The following ARHGAP15 variants were observed in gnomAD, a reference collection of about 807,000 sequenced individuals.
ARHGAP15 encodes Rho GTPase activating protein 15, also known as rho GTPase-activating protein 15.
In ARHGAP15, 51 loss-of-function variants were observed where a neutral mutation model predicts 63.7. The ratio of observed to expected loss-of-function variants is 0.80; its 90% CI spans 0.64 to 1.01. The LOEUF (loss-of-function observed/expected upper bound fraction) is 1.01. Among genes scored for constraint, ARHGAP15 ranks in the 50% least tolerant of loss-of-function variants. ARHGAP15 has a pLI of 0.00. For missense variants in ARHGAP15, 560 were observed against 564.6 expected, an observed-to-expected ratio of 0.99 and a Z score of 0.08; for synonymous variants, 191 against 193.8, an observed-to-expected ratio of 0.99 and a Z score of 0.12.
intron 6 of ARHGAP15, chr2:143,295,726 C>T (rs1329198628): frequency 6.6e-6 from 1 of 151,988 alleles, no homozygotes; most frequent in Non-Finnish European, 1.5e-5. Context: ...GTGAGAGTTA[C>T]ATCTTTATCC....
chr2:143,228,913 T>A (rs937422205), intron 5 of ARHGAP15, among the ~76,000 whole-genome samples: 2 of 152,164 alleles, frequency 1.3e-5, no homozygotes, highest in Non-Finnish European at 2.9e-5. Context: ...TATGTAGTAA[T>A]GCGAAGGTAA....
intron 6 of ARHGAP15, among the ~76,000 whole-genome samples, chr2:143,307,583 A>G (rs754394309): frequency 2.0e-5 from 3 of 152,178 alleles, no homozygotes; most frequent in Non-Finnish European, 4.4e-5. Context: ...TACAAATTGA[A>G]TAATGAGGGA....
chr2:143,667,592 A>ATT (rs1559114720), intron 12 of ARHGAP15, among the ~76,000 whole-genome samples: 167 of 150,462 alleles, frequency 1.1e-3, no homozygotes, highest in African/African-American at 2.8e-3. Flanking sequence ...TAAAAAAAAA[A>ATT]AAAAAAAAAA....
chr2:143,270,451 G>A (rs145581654), intron 6 of ARHGAP15, among the ~76,000 whole-genome samples: 82 of 152,094 alleles, frequency 5.4e-4, no homozygotes, highest in African/African-American at 2.0e-3. Flanking sequence ...ATATTTTTTA[G>A]CATTTAGCTA....
At chr2:143,137,785 CT>C (rs1219560877) in intron 1 of ARHGAP15, among the ~76,000 whole-genome samples, 1 of 152,120 alleles carries the variant, frequency 6.6e-6, no homozygotes, top group East Asian at 1.9e-4. Context: ...AAATTGGATG[CT>C]GAGTCAAGGG....
At chr2:143,482,787 T>G (rs2105217050) in intron 8 of ARHGAP15, among the ~76,000 whole-genome samples, 1 of 152,356 alleles carries the variant, frequency 6.6e-6, no homozygotes, top group South Asian at 2.1e-4. Context: ...CATTTTTATT[T>G]TGTATTTATA....
chr2:143,767,472 C>A (rs1308161390), intron 13 of ARHGAP15, among the ~76,000 whole-genome samples: 5 of 152,166 alleles, frequency 3.3e-5, no homozygotes, highest in African/African-American at 1.2e-4. Flanking sequence ...TTACCATATA[C>A]CAAACTGTCT....
intron 6 of ARHGAP15, among the ~76,000 whole-genome samples, chr2:143,431,860 T>C (rs189213239): frequency 6.6e-5 from 10 of 152,076 alleles, no homozygotes; most frequent in Admixed American, 5.9e-4. Context: ...AAATTATTTG[T>C]GGGATTTATT....
chr2:143,749,632 C>T (rs1192862450), intron 13 of ARHGAP15, among the ~76,000 whole-genome samples: 1 of 152,178 alleles, frequency 6.6e-6, no homozygotes, highest in East Asian at 1.9e-4. Flanking sequence ...AGTTTCACCC[C>T]TTACTAAAAG....
chr2:143,509,570 C>T (rs1175344509), intron 9 of ARHGAP15, among the ~76,000 whole-genome samples: 1 of 152,176 alleles, frequency 6.6e-6, no homozygotes, highest in Non-Finnish European at 1.5e-5. Flanking sequence ...AATTCAAAAA[C>T]ATAGGCCATT....
At chr2:143,360,478 C>CA (rs1337971974) in intron 6 of ARHGAP15, among the ~76,000 whole-genome samples, 2 of 150,764 alleles carry the variant, frequency 1.3e-5, no homozygotes, top group Non-Finnish European at 2.9e-5. Context: ...TTAAAAGCAA[C>CA]AAGTCAACAC....
In ARHGAP15 at chr2:143,402,490, T is replaced by G. The variant is rs185927952; in HGVS notation, c.475-33111T>G. ...GACAGAGAAAACAAAAGAATTAACC[T>G]GCTTGGGAACTTGAAAACTCTGATG... On this transcript the variant is annotated intron_variant, in intron 6 of 13. Transcript: ENST00000295095. Among the ~76,000 whole-genome samples, 1,199 of 149,896 alleles carry G rather than the reference T, an allele frequency of 8.0e-3. 6 individuals are homozygous for G. The highest frequency in any genetic ancestry group is 0.012 in the Non-Finnish European group (818 of 67,632).
chr2:143,306,312 G>A (rs1231895179), intron 6 of ARHGAP15, among the ~76,000 whole-genome samples: 1 of 152,098 alleles, frequency 6.6e-6, no homozygotes, highest in African/African-American at 2.4e-5. Flanking sequence ...AGAGATAGGG[G>A]GAGACGACTG....
intron 1 of ARHGAP15, among the ~76,000 whole-genome samples, chr2:143,142,287 C>A (rs927774343): frequency 6.6e-6 from 1 of 151,992 alleles, no homozygotes; most frequent in South Asian, 2.1e-4. Context: ...CTGGAGTCCT[C>A]CAAATAACTT....
At chr2:143,463,117 G>A (rs1691032203) in intron 8 of ARHGAP15, among the ~76,000 whole-genome samples, 1 of 152,100 alleles carries the variant, frequency 6.6e-6, no homozygotes. Flanking sequence ...GTTAGTGTTA[G>A]TGTATTTTAT....
chr2:143,400,867 C>T (rs1342134286), intron 6 of ARHGAP15, among the ~76,000 whole-genome samples: 1 of 151,966 alleles, frequency 6.6e-6, no homozygotes, highest in African/African-American at 2.4e-5. Flanking sequence ...TGATTGGGGA[C>T]TTATTGATTT....
At chr2:143,296,010 AC>A (rs1682619234) in intron 6 of ARHGAP15, among the ~76,000 whole-genome samples, 2 of 152,000 alleles carry the variant, frequency 1.3e-5, no homozygotes, top group Non-Finnish European at 2.9e-5. Context: ...GTTACAGAGA[AC>A]CTAACCAAGA....
intron 12 of ARHGAP15, among the ~76,000 whole-genome samples, chr2:143,637,549 A>G (rs569616080): frequency 1.2e-4 from 19 of 152,158 alleles, no homozygotes; most frequent in Admixed American, 7.2e-4. Flanking sequence ...TTAACTACAA[A>G]TTCATTGTGC....
intron 1 of ARHGAP15, among the ~76,000 whole-genome samples, chr2:143,144,861 G>A (rs1053903461): frequency 6.6e-6 from 1 of 151,962 alleles, no homozygotes; most frequent in Non-Finnish European, 1.5e-5. Context: ...AGACACCATA[G>A]TAACAAGTAA....
Sources: gnomAD v4.1 joint callset for allele counts (sites outside exome capture counted in the v4.1 genomes callset) on GRCh38, gnomAD v4.1.1 for gene constraint, MANE v1.5 for transcripts, NCBI Gene and HGNC (gene_info 2026-07-23, HGNC 2026-07-21) for gene names.